The following CD163L1 variants were observed in gnomAD, a reference collection of about 807,000 sequenced individuals.
The protein encoded by CD163L1 is CD163 molecule like 1.
In CD163L1, 124 loss-of-function variants were observed where a neutral mutation model predicts 165.4. That is an observed-to-expected ratio of 0.75 (90% CI 0.65 to 0.87). The LOEUF (loss-of-function observed/expected upper bound fraction) is 0.87. Ranked by LOEUF, CD163L1 falls within the 40% of genes least tolerant of loss-of-function variation. The pLI, the probability that CD163L1 is intolerant of heterozygous loss-of-function variation, is 0.00. For synonymous variants in CD163L1, 585 were observed against 662.2 expected (o/e 0.88, Z 1.79); for missense variants, 1,525 against 1,799.9 (o/e 0.85, Z 2.76).
chr12:7,387,176 A>G (rs746470522), intron 8 of CD163L1, among the ~76,000 whole-genome samples: 32 of 152,222 alleles, frequency 2.1e-4, no homozygotes, highest in Admixed American at 7.9e-4. Flanking sequence ...TCTATACACC[A>G]ATAACAAACT....
rs934557418 is a variant in CD163L1 at position 7,372,258 on chromosome 12, T to C, written c.3730+1062A>G. On this transcript the variant is annotated intron_variant, in intron 14 of 19. Coordinates refer to ENST00000313599, the MANE Select transcript of CD163L1 (RefSeq NM_174941.6). The surrounding 1 kb of genome is among the most constrained non-coding windows in gnomAD (Gnocchi z 4.2). ...GTGAAATAAAATCAATGCTCTCATA[T>C]ACTGGGGATAAGAATGAAAACTAAT... is the stretch of plus-strand genomic sequence containing the variant. Among the ~76,000 whole-genome samples, 1 of 152,102 alleles carries C rather than the reference T, an allele frequency of 6.6e-6. No individual in the cohort carries two copies.
the CD163L1 span, among the ~76,000 whole-genome samples, chr12:7,321,060 C>T: frequency 8.2e-4 from 125 of 152,226 alleles, no homozygotes; most frequent in Non-Finnish European, 1.2e-3. Flanking sequence ...TAGACACTGC[C>T]GAATGTCTTC....
chr12:7,354,815 T>C (rs1946741798), downstream of CD163L1: 1 of 152,184 alleles, frequency 6.6e-6, no homozygotes, highest in African/African-American at 2.4e-5. Context: ...TTACGGGCAC[T>C]AATCCCATTC....
At chr12:7,370,957 G>T (rs1947133960) in intron 14 of CD163L1, among the ~76,000 whole-genome samples, 1 of 152,110 alleles carries the variant, frequency 6.6e-6, no homozygotes. Flanking sequence ...ACGTGTTGTG[G>T]GGGGGACCTG....
intron 8 of CD163L1, among the ~76,000 whole-genome samples, chr12:7,395,673 C>T (rs1046633294): frequency 5.3e-5 from 8 of 152,120 alleles, no homozygotes; most frequent in African/African-American, 1.7e-4. Flanking sequence ...ATTTATCTTA[C>T]ATAAATAAGT....
chr12:7,368,020 T>C lies in CD163L1; in HGVS notation c.4183+67A>G. 1.1e-6 allele frequency: 1 copy of C among 893,048 alleles called. No homozygotes were observed. Among genetic ancestry groups the C allele is most frequent in the Non-Finnish European group, 1.9e-6 (1 of 537,690 alleles). 55.3% of individuals were successfully genotyped at this position (893,048 alleles called of 1,614,324 possible). ...GTGCATTTCTTCCATTCTGCAAGAA[T>C]CCCCCATCCTGTGTGCCCTTGGTGG... On this transcript the variant is annotated intron_variant, in intron 17 of 19. Coordinates refer to ENST00000313599, the MANE Select transcript of CD163L1 (RefSeq NM_174941.6). This position sits in a 1 kb window ranked among gnomAD's most constrained non-coding sequence, Gnocchi z 4.3.
intron 4 of CD163L1, among the ~76,000 whole-genome samples, chr12:7,409,885 A>T (rs1246772414): frequency 6.6e-6 from 1 of 152,212 alleles, no homozygotes; most frequent in Non-Finnish European, 1.5e-5. Context: ...CAGAAATAAA[A>T]AAACTATGGA....
At chr12:7,319,503 T>A in the CD163L1 span, among the ~76,000 whole-genome samples, 1 of 151,358 alleles carries the variant, frequency 6.6e-6, no homozygotes, top group African/African-American at 2.4e-5. Context: ...AGGCAGAGAA[T>A]TGCTTGAATC....
chr12:7,406,991 C>A lies in CD163L1; in HGVS notation c.767-139G>T, dbSNP rs11053727. The A allele has an allele frequency of 3.6e-3, 2,821 of 791,788 alleles. 63 individuals are homozygous for A. In the African/African-American group the frequency reaches 0.042, roughly 12 times the overall value. 49.0% of individuals were successfully genotyped at this position (791,788 alleles called of 1,614,324 possible). A position where few individuals can be genotyped will look rare whatever the true frequency, so the allele number is the denominator to read the frequency against. On this transcript the variant is annotated intron_variant, in intron 4 of 19. Transcript: ENST00000313599. Reference sequence around the variant, plus strand: ...TGTCTAACTCTTGCTTTTTAAAATTCTTGTACAAGTTTAATGTAATAGAAT... The same window carrying A: ...TGTCTAACTCTTGCTTTTTAAAATTATTGTACAAGTTTAATGTAATAGAAT...
intron 4 of CD163L1, among the ~76,000 whole-genome samples, chr12:7,348,786 CA>C (rs1331530546): frequency 2.1e-4 from 31 of 149,118 alleles, no homozygotes; most frequent in Non-Finnish European, 3.8e-4. Flanking sequence ...GGAAGGCCCT[CA>C]CAAAGCAGTA....
At chr12:7,393,811 C>G (rs1947713283) in intron 8 of CD163L1, among the ~76,000 whole-genome samples, 1 of 152,060 alleles carries the variant, frequency 6.6e-6, no homozygotes, top group Non-Finnish European at 1.5e-5. Context: ...GAGTGAACTC[C>G]CATTCACATT....
intron 4 of CD163L1, among the ~76,000 whole-genome samples, chr12:7,407,799 A>G (rs1443793218): frequency 2.0e-5 from 3 of 150,732 alleles, no homozygotes; most frequent in African/African-American, 7.4e-5. Context: ...ACACACACAC[A>G]CACACACAGA....
intron 4 of CD163L1, among the ~76,000 whole-genome samples, chr12:7,431,516 C>G (rs1034615125): frequency 6.7e-6 from 1 of 149,072 alleles, no homozygotes; most frequent in Non-Finnish European, 1.5e-5. Flanking sequence ...AGTGTGCTAA[C>G]AGAGAAATGA....
chr12:7,421,471 A>G lies in CD163L1; in HGVS notation c.766+10945T>C, dbSNP rs868381595. On this transcript the variant is annotated intron_variant, in intron 4 of 19. Coordinates refer to ENST00000313599, the MANE Select transcript of CD163L1 (RefSeq NM_174941.6). The stretch of plus-strand genomic sequence containing the variant: ...CATATATGTACATATATACATATAT[A>G]TACATATATGTACATATATACATAT... Among the ~76,000 whole-genome samples, 630 of 124,208 alleles carry G rather than the reference A, an allele frequency of 5.1e-3. 42 individuals carry two copies. Among genetic ancestry groups the G allele is most frequent in the African/African-American group, 0.021 (584 of 28,118 alleles). 81.5% of individuals were successfully genotyped at this position (124,208 alleles called of 152,430 possible).
chr12:7,343,613 C>T (rs1286968388), downstream of CD163L1, among the ~76,000 whole-genome samples: 3 of 152,092 alleles, frequency 2.0e-5, no homozygotes, highest in Admixed American at 2.0e-4. Flanking sequence ...TTTAAACAAC[C>T]AGATCTTGTG....
At chr12:7,414,429 AAAG>A (rs1294219837) in intron 4 of CD163L1, among the ~76,000 whole-genome samples, 3 of 152,176 alleles carry the variant, frequency 2.0e-5, no homozygotes, top group Non-Finnish European at 4.4e-5. Context: ...AGAAGAACAA[AAAG>A]AAGGAGAAAT....
At chr12:7,441,875 G>A (rs1312147187) in intron 1 of CD163L1, among the ~76,000 whole-genome samples, 1 of 152,058 alleles carries the variant, frequency 6.6e-6, no homozygotes, top group East Asian at 1.9e-4. Flanking sequence ...ACAGAATCTT[G>A]CCACTTCCTC....
chr12:7,437,832 T>C (rs1422713041), intron 2 of CD163L1, among the ~76,000 whole-genome samples: 1 of 151,628 alleles, frequency 6.6e-6, no homozygotes, highest in Non-Finnish European at 1.5e-5. Flanking sequence ...ATATAATAAT[T>C]CACAAAATAT....
At chr12:7,433,785 T>A in intron 2 of CD163L1, 91 bp from the exon 3 acceptor site, 3 of 960,780 alleles carry the variant, frequency 3.1e-6, no homozygotes, top group Non-Finnish European at 4.6e-6. Context: ...GATCATTTAG[T>A]TTAAATGTTG....
Sources: allele counts gnomAD v4.1 joint callset (sites outside exome capture counted in the v4.1 genomes callset), GRCh38; gene constraint gnomAD v4.1.1; non-coding constraint Gnocchi (gnomAD v3.1); transcripts MANE v1.5; gene names NCBI Gene and HGNC (gene_info 2026-07-23, HGNC 2026-07-21).